Variants in TEKT5 observed in about 807,000 individuals in gnomAD.
TEKT5 encodes the protein tektin 5.
A neutral mutation model predicts 48.7 loss-of-function variants in TEKT5; 52 were observed. The observed-to-expected ratio is 1.07, with a 90% confidence interval of 0.86 to 1.35. TEKT5 has a LOEUF of 1.35. Among genes scored for constraint, TEKT5 ranks in the 40% most tolerant of loss-of-function variants. TEKT5 has a pLI of 0.00. For synonymous variants in TEKT5, 318 were observed against 267.6 expected, an observed-to-expected ratio of 1.19 and a Z score of -1.84; for missense variants, 831 against 641.6, an observed-to-expected ratio of 1.30 and a Z score of -3.19.
intron 4 of TEKT5, among the ~76,000 whole-genome samples, chr16:10,677,917 T>C (rs1898677646): frequency 6.6e-6 from 1 of 152,158 alleles, no homozygotes; most frequent in African/African-American, 2.4e-5. Flanking sequence ...AGAATGGATC[T>C]GGGGAGATCA....
chr16:10,684,431 C>T (rs1364346601), intron 3 of TEKT5, among the ~76,000 whole-genome samples: 6 of 148,216 alleles, frequency 4.0e-5, no homozygotes, highest in Non-Finnish European at 8.9e-5. Flanking sequence ...ATGTTGGTTG[C>T]GGGTGAGGGG....
At chr16:10,681,827 G>A (rs1898757883) in intron 4 of TEKT5, among the ~76,000 whole-genome samples, 166 bp downstream of exon 4, 2 of 152,052 alleles carry the variant, frequency 1.3e-5, no homozygotes, top group Non-Finnish European at 2.9e-5. Context: ...CTTGTCTTAA[G>A]CTAACCCGAC....
At chr16:10,690,505 T>A in intron 1 of TEKT5, 1 of 913,914 alleles carries the variant, frequency 1.1e-6, no homozygotes, top group Non-Finnish European at 1.3e-6. Context: ...TGCAGATGGG[T>A]GCCATATTGG....
rs200912287 is a variant in TEKT5 at position 10,627,619 on chromosome 16, G to C, written c.1422C>G (p.Thr474=). Residue 474 remains threonine (T), a synonymous_variant, in exon 7 of 7, where the codon ACC becomes ACG. Coordinates refer to ENST00000283025, the MANE Select transcript of TEKT5 (RefSeq NM_144674.2). ...DKEKCMGMRK[T]FPCTPRLVGH... ...CCACCAGGCGCGGGGTGCAGGGGAA[G>C]GTCTTACGCATGCCCATGCACTTCT... The C allele has an allele frequency of 2.3e-4, 373 of 1,614,092 alleles. No homozygotes were observed. The highest frequency in any genetic ancestry group is 2.9e-4 in the Non-Finnish European group (343 of 1,180,034).
At chr16:10,641,502 T>C (rs1168703783) in intron 5 of TEKT5, among the ~76,000 whole-genome samples, 1 of 152,122 alleles carries the variant, frequency 6.6e-6, no homozygotes, top group African/African-American at 2.4e-5. Flanking sequence ...CCCCAGACCC[T>C]ACCATGTTTG....
chr16:10,694,769 G>C lies in TEKT5; in HGVS notation c.105C>G (p.Cys35Trp), dbSNP rs1045841037. The C allele has an allele frequency of 1.9e-6, 3 of 1,613,944 alleles. No individual in the cohort carries two copies. The African/African-American group carries it at 4.0e-5, about 22-fold the overall frequency. The change falls in exon 1 of 7, where the codon TGC (cysteine) becomes TGG (tryptophan). Residue 35 changes from cysteine (C) to tryptophan (W), a missense_variant. Coordinates refer to ENST00000283025, the MANE Select transcript of TEKT5 (RefSeq NM_144674.2). ...PAVQAPVIQE[C>W]YQPYYLPGYR... ...ACCCGGGCAGGTAGTAGGGCTGATA[G>C]CATTCCTGGATCACTGGCGCCTGTA...
intron 5 of TEKT5, among the ~76,000 whole-genome samples, chr16:10,648,688 C>T (rs1483942199): frequency 1.3e-5 from 2 of 152,184 alleles, no homozygotes; most frequent in Admixed American, 6.6e-5. Flanking sequence ...TGTCAATTCT[C>T]TTTCAAACCT....
chr16:10,665,926 G>A (rs965741398), intron 5 of TEKT5, among the ~76,000 whole-genome samples: 13 of 152,160 alleles, frequency 8.5e-5, no homozygotes, highest in Non-Finnish European at 1.8e-4. Context: ...TTCACACCAA[G>A]CCCAGCACCT....
At chr16:10,689,374 T>G (rs952958551) in intron 2 of TEKT5, 51 bp from the exon 3 acceptor site, 5 of 1,490,706 alleles carry the variant, frequency 3.4e-6, no homozygotes, top group Admixed American at 3.4e-5. Context: ...CCTCACAGTC[T>G]TCTCTCCCAG....
At chr16:10,679,466 A>G (rs1898706938) in intron 4 of TEKT5, among the ~76,000 whole-genome samples, 1 of 151,958 alleles carries the variant, frequency 6.6e-6, no homozygotes, top group Admixed American at 6.6e-5. Flanking sequence ...AAAAAAAAAA[A>G]AAAAGGTGTC....
rs541361621 is a variant in TEKT5 at position 10,679,443 on chromosome 16, G to A, written c.863+2550C>T. The stretch of plus-strand genomic sequence containing the variant: ...CTGCGCTCTGGCCTGGTGACAGAGC[G>A]AGACTCTGTCTAAAAAAAAAAAAAA... On this transcript the variant is annotated intron_variant, in intron 4 of 6. Transcript: ENST00000283025. Among the ~76,000 whole-genome samples the A allele has an allele frequency of 1.8e-3, 266 of 148,030 alleles. 1 individual carries two copies. Among genetic ancestry groups the A allele is most frequent in the African/African-American group, 6.3e-3 (251 of 39,738 alleles).
chr16:10,640,744 G>A (rs540871896), intron 5 of TEKT5, among the ~76,000 whole-genome samples: 34 of 152,154 alleles, frequency 2.2e-4, no homozygotes, highest in Admixed American at 3.3e-4. Flanking sequence ...TGGAGGGAGG[G>A]GGTTCTGGCT....
At chr16:10,670,685 A>G (rs965693015) in intron 5 of TEKT5, among the ~76,000 whole-genome samples, 2 of 152,188 alleles carry the variant, frequency 1.3e-5, no homozygotes, top group African/African-American at 2.4e-5. Flanking sequence ...GAAAATGTCA[A>G]TAGCGTAGGG....
At chr16:10,661,219 C>T (rs1898364658) in intron 5 of TEKT5, among the ~76,000 whole-genome samples, 1 of 152,190 alleles carries the variant, frequency 6.6e-6, no homozygotes, top group African/African-American at 2.4e-5. Context: ...TGTGAGTTTG[C>T]AACCCCTGTT....
rs537584058 is a variant in TEKT5 at position 10,694,722 on chromosome 16, C to A, written c.152G>T (p.Arg51Met). Reference protein sequence around the residue: ...LPGYRYLNSWRPSLFYKIANV... With the variant: ...LPGYRYLNSWMPSLFYKIANV... ...GGCTATCTTGTAGAAGAGGCTAGGC[C>A]TCCATGAATTGAGGTAGCGGTACCC... is the stretch of plus-strand genomic sequence containing the variant. Residue 51 changes from arginine to methionine, a missense_variant, in exon 1 of 7, where the codon AGG (arginine) becomes ATG (methionine). Transcript: ENST00000283025. 1.9e-6 allele frequency: 3 copies of A among 1,614,076 alleles called. No individual in the cohort carries two copies. The South Asian group carries it at 3.3e-5, about 18-fold the overall frequency.
chr16:10,665,539 C>T (rs1490845920), intron 5 of TEKT5, among the ~76,000 whole-genome samples: 1 of 152,314 alleles, frequency 6.6e-6, no homozygotes, highest in East Asian at 1.9e-4. Flanking sequence ...CTGTCGCCTA[C>T]CTCCCCAGCT....
chr16:10,647,267 C>T (rs935660647), intron 5 of TEKT5, among the ~76,000 whole-genome samples: 7 of 151,792 alleles, frequency 4.6e-5, no homozygotes, highest in Non-Finnish European at 7.4e-5. Flanking sequence ...TCCAGGAATT[C>T]GACCAGCTTG....
At chr16:10,690,202 A>G (rs1458726762) in intron 1 of TEKT5, 177 bp from the exon 2 acceptor site, 1 of 629,146 alleles carries the variant, frequency 1.6e-6, no homozygotes, top group Non-Finnish European at 2.7e-6. Context: ...TCCCCGGATG[A>G]GAGCTGTGGG....
At chr16:10,685,200 C>A (rs374470477) in intron 3 of TEKT5, among the ~76,000 whole-genome samples, 14 of 152,342 alleles carry the variant, frequency 9.2e-5, no homozygotes, top group African/African-American at 3.4e-4. Context: ...TCCTCTTCCT[C>A]ACTCACTCTG....
Sources: allele counts gnomAD v4.1 joint callset (sites outside exome capture counted in the v4.1 genomes callset), GRCh38; gene constraint gnomAD v4.1.1; transcripts MANE v1.5; gene names NCBI Gene and HGNC (gene_info 2026-07-23, HGNC 2026-07-21).